Variants in ZNF362 observed in about 807,000 individuals in gnomAD.
ZNF362 encodes zinc finger protein 362.
ZNF362 carries 11 observed loss-of-function variants against 42.9 expected under a neutral mutation model. The observed-to-expected ratio is 0.26, with a 90% CI of 0.16 to 0.42. ZNF362 has a LOEUF of 0.42. Ranked by LOEUF, ZNF362 falls within the 20% of genes least tolerant of loss-of-function variation. ZNF362 has a pLI of 1.00. For missense variants in ZNF362, 362 were observed against 576.2 expected, an observed-to-expected ratio of 0.63 and a Z score of 3.81; for synonymous variants, 255 against 257.3, an observed-to-expected ratio of 0.99 and a Z score of 0.09.
chr1:33,162,999 C>T, the ZNF362 span: 7 of 152,062 alleles, frequency 4.6e-5, no homozygotes, highest in South Asian at 2.1e-4. Context: ...CTACCTGGGA[C>T]GATTTTTTTT....
At chr1:33,180,683 G>T in the ZNF362 span, among the ~76,000 whole-genome samples, 1 of 152,114 alleles carries the variant, frequency 6.6e-6, no homozygotes, top group South Asian at 2.1e-4. Flanking sequence ...CCACAACCCT[G>T]CCCCAGCCCA....
the ZNF362 span, among the ~76,000 whole-genome samples, chr1:33,231,208 C>T: frequency 2.0e-5 from 3 of 152,160 alleles, no homozygotes; most frequent in African/African-American, 4.8e-5. Context: ...GACGATTGCT[C>T]AGTGTCAAAC....
At chr1:33,251,479 A>T in the ZNF362 span, among the ~76,000 whole-genome samples, 1 of 151,504 alleles carries the variant, frequency 6.6e-6, no homozygotes, top group African/African-American at 2.4e-5. Context: ...CCGCTTCCCT[A>T]CTCTGCCCAT....
intron 4 of ZNF362, among the ~76,000 whole-genome samples, chr1:33,278,193 A>G (rs912350969): frequency 6.6e-6 from 1 of 152,202 alleles, no homozygotes; most frequent in African/African-American, 2.4e-5. Context: ...CCAGCTCCCA[A>G]CTGAGCAGCT....
At chr1:33,192,176 C>T in the ZNF362 span, among the ~76,000 whole-genome samples, 1 of 152,192 alleles carries the variant, frequency 6.6e-6, no homozygotes, top group Non-Finnish European at 1.5e-5. Context: ...TCATTTTCCT[C>T]CTTTAGCACT....
At chr1:33,283,878 G>T (rs1262153135) in intron 6 of ZNF362, among the ~76,000 whole-genome samples, 3 of 152,230 alleles carry the variant, frequency 2.0e-5, no homozygotes, top group Non-Finnish European at 2.9e-5. Flanking sequence ...CCAGGTTTAT[G>T]TACAGAGATG....
chr1:33,276,084 C>T lies in ZNF362; in HGVS notation c.39-16C>T, dbSNP rs774314922. ...GGAGGGCTCTCTTCCCGGTGACAGT[C>T]GCTCTCTTCCCGCAGGATGGCCGAG... On this transcript the variant is annotated splice_polypyrimidine_tract_variant and intron_variant, in intron 2 of 8. Coordinates refer to ENST00000539719, the MANE Select transcript of ZNF362 (RefSeq NM_152493.3). The T allele has an allele frequency of 2.1e-5, 34 of 1,613,758 alleles. No individual in the cohort carries two copies. Among genetic ancestry groups the T allele is most frequent in the Non-Finnish European group, 1.8e-5 (21 of 1,179,914 alleles).
the ZNF362 span, among the ~76,000 whole-genome samples, chr1:33,135,942 C>T: frequency 6.6e-6 from 1 of 152,054 alleles, no homozygotes; most frequent in South Asian, 2.1e-4. Context: ...CCCTCCCTCC[C>T]CACCCTGCCG....
At chr1:33,165,556 T>G in the ZNF362 span, 1 of 1,608,056 alleles carries the variant, frequency 6.2e-7, no homozygotes, top group Non-Finnish European at 8.5e-7. The surrounding 1 kb of genome is among the most constrained non-coding windows in gnomAD (Gnocchi z 4.0). Context: ...AAGTTGGTCC[T>G]TCAGCTCCCT....
At chr1:33,191,605 A>G in the ZNF362 span, among the ~76,000 whole-genome samples, 2 of 152,026 alleles carry the variant, frequency 1.3e-5, no homozygotes, top group African/African-American at 4.8e-5. Flanking sequence ...CCCAGGTTCA[A>G]GTGATTCTCC....
chr1:33,276,202 T>G, intron 3 of ZNF362, 39 bp downstream of exon 3: 1 of 1,609,196 alleles, frequency 6.2e-7, no homozygotes, highest in Non-Finnish European at 8.5e-7. Flanking sequence ...CCTACCCTCC[T>G]TGGCGCTGCT....
At chr1:33,276,251 G>A (rs376830000) in intron 3 of ZNF362, 88 bp downstream of exon 3, 8 of 1,586,550 alleles carry the variant, frequency 5.0e-6, no homozygotes, top group Middle Eastern at 1.7e-4. Flanking sequence ...TGCGGGGAGC[G>A]GGGTGAGGAG....
At chr1:33,151,516 G>A in the ZNF362 span, among the ~76,000 whole-genome samples, 1 of 152,080 alleles carries the variant, frequency 6.6e-6, no homozygotes, top group African/African-American at 2.4e-5. Context: ...GACCTAGAAG[G>A]GGCATGGCAA....
the ZNF362 span, among the ~76,000 whole-genome samples, chr1:33,216,327 C>T: frequency 7.0e-5 from 10 of 142,578 alleles, no homozygotes; most frequent in Non-Finnish European, 1.2e-4. Context: ...AAGGGCCGGG[C>T]GCGATGGCTT....
the ZNF362 span, among the ~76,000 whole-genome samples, chr1:33,231,887 A>G: frequency 6.6e-6 from 1 of 152,156 alleles, no homozygotes; most frequent in South Asian, 2.1e-4. Context: ...ATCAAGGGCT[A>G]TAGAAGGTTG....
chr1:33,195,728 G>A, the ZNF362 span: 15 of 152,204 alleles, frequency 9.9e-5, no homozygotes, highest in African/African-American at 3.6e-4. Context: ...AAGCTTGCAG[G>A]ACTGGAAGTT....
chr1:33,238,683 G>A, the ZNF362 span, among the ~76,000 whole-genome samples: 1 of 152,154 alleles, frequency 6.6e-6, no homozygotes, highest in Admixed American at 6.5e-5. Context: ...TTGGAGACAG[G>A]GCCTTTAAAG....
chr1:33,222,054 G>A, the ZNF362 span, among the ~76,000 whole-genome samples: 1 of 152,166 alleles, frequency 6.6e-6, no homozygotes, highest in Non-Finnish European at 1.5e-5. Flanking sequence ...ACGGTGCCCA[G>A]TATAGGTTCA....
At chr1:33,170,345 C>T in the ZNF362 span, among the ~76,000 whole-genome samples, 2 of 151,360 alleles carry the variant, frequency 1.3e-5, no homozygotes, top group Admixed American at 1.3e-4. Flanking sequence ...ATCTCCCCTA[C>T]TAGATTGTAC....
Sources: allele counts gnomAD v4.1 joint callset (sites outside exome capture counted in the v4.1 genomes callset), GRCh38; gene constraint gnomAD v4.1.1; non-coding constraint Gnocchi (gnomAD v3.1); transcripts MANE v1.5; gene names NCBI Gene and HGNC (gene_info 2026-07-23, HGNC 2026-07-21).